DOK6: variants seen among roughly 807,000 people sequenced by gnomAD.
The protein encoded by DOK6 is downstream of tyrosine kinase 6.
DOK6 carries 22 observed loss-of-function variants against 44.0 expected under a neutral mutation model. The ratio of observed to expected loss-of-function variants is 0.50; its 90% CI spans 0.36 to 0.71. The LOEUF (loss-of-function observed/expected upper bound fraction) is 0.71, where lower values mean the gene tolerates loss of function less well. Ranked by LOEUF, DOK6 falls within the 30% of genes least tolerant of loss-of-function variation. The pLI is 0.00. For missense variants in DOK6, 340 were observed against 416.4 expected (o/e 0.82, Z 1.60); for synonymous variants, 166 against 145.5 (o/e 1.14, Z -1.01).
At chr18:69,716,147 C>T (rs979922299) in intron 5 of DOK6, among the ~76,000 whole-genome samples, 10 of 152,142 alleles carry the variant, frequency 6.6e-5, no homozygotes, top group African/African-American at 2.4e-4. Flanking sequence ...GATACTGATA[C>T]ATATCTCCTA....
At chr18:69,462,523 AT>A (rs1306888469) in intron 1 of DOK6, among the ~76,000 whole-genome samples, 11 of 152,226 alleles carry the variant, frequency 7.2e-5, no homozygotes, top group African/African-American at 2.7e-4. Context: ...GGTATTAAAA[AT>A]TCTAAATGTC....
At chr18:69,493,143 A>G (rs1188633486) in intron 1 of DOK6, among the ~76,000 whole-genome samples, 3 of 152,328 alleles carry the variant, frequency 2.0e-5, no homozygotes, top group African/African-American at 2.4e-5. Flanking sequence ...ATCTCTCTAT[A>G]TCAACATAGA....
chr18:69,639,476 TAA>T (rs1984888443), intron 3 of DOK6, among the ~76,000 whole-genome samples: 1 of 152,176 alleles, frequency 6.6e-6, no homozygotes, highest in Admixed American at 6.5e-5. Context: ...GCCTTCTCTA[TAA>T]AGTCTTTCCC....
intron 1 of DOK6, among the ~76,000 whole-genome samples, chr18:69,497,284 T>A (rs1359231099): frequency 1.3e-5 from 2 of 152,212 alleles, no homozygotes. Flanking sequence ...CAGTTTTAAG[T>A]AGTCCCTATT....
chr18:69,761,016 T>C (rs551779365), intron 7 of DOK6, among the ~76,000 whole-genome samples: 44 of 104,846 alleles, frequency 4.2e-4, no homozygotes, highest in African/African-American at 1.7e-3. Context: ...GAGCCTGCCT[T>C]TCCCGGGGGC....
intron 5 of DOK6, among the ~76,000 whole-genome samples, chr18:69,729,139 T>C (rs1053049440): frequency 6.6e-6 from 1 of 152,000 alleles, no homozygotes; most frequent in African/African-American, 2.4e-5. Flanking sequence ...TAAACACATA[T>C]ATATAATATA....
At chr18:69,780,669 G>C (rs979924441) in intron 7 of DOK6, among the ~76,000 whole-genome samples, 6 of 152,130 alleles carry the variant, frequency 3.9e-5, no homozygotes, top group Non-Finnish European at 7.4e-5. Flanking sequence ...AGCTTTCATG[G>C]ACACAATCTC....
Position 69,401,221 on chromosome 18 carries a change from C to T in DOK6, c.-24C>T, listed in dbSNP as rs1395413965. On this transcript the variant is annotated 5_prime_UTR_variant, in exon 1 of 8. Coordinates refer to ENST00000382713, the MANE Select transcript of DOK6 (RefSeq NM_152721.6). ...CGACTCCGGAGAGCGGATCGCGGGG[C>T]GCAGGAGCCCGATCGCGCTGGCCAT... 1.3e-6 allele frequency: 2 copies of T among 1,545,676 alleles called. No homozygotes were observed. Among genetic ancestry groups the T allele is most frequent in the African/African-American group, 2.8e-5 (2 of 70,578 alleles).
intron 1 of DOK6, among the ~76,000 whole-genome samples, chr18:69,540,637 T>C (rs1454485698): frequency 6.6e-6 from 1 of 152,232 alleles, no homozygotes; most frequent in Non-Finnish European, 1.5e-5. Flanking sequence ...TATGTGGCCA[T>C]TGTAAATGAA....
At chr18:69,650,904 A>G (rs112741477) in intron 3 of DOK6, among the ~76,000 whole-genome samples, 10 of 152,358 alleles carry the variant, frequency 6.6e-5, no homozygotes, top group African/African-American at 1.4e-4. Context: ...TAGCCTGTCC[A>G]TATTTTATTC....
intron 3 of DOK6, among the ~76,000 whole-genome samples, chr18:69,653,214 G>T (rs144685238): frequency 1.3e-5 from 2 of 151,884 alleles, no homozygotes; most frequent in African/African-American, 4.8e-5. Flanking sequence ...TTGCCAATTC[G>T]TAAGTAACAC....
intron 1 of DOK6, among the ~76,000 whole-genome samples, chr18:69,416,356 T>C (rs1599120404): frequency 6.6e-6 from 1 of 152,136 alleles, no homozygotes. Flanking sequence ...AAAGCTAAAT[T>C]TGTGTTTTTG....
At chr18:69,602,166 A>T (rs1983888807) in intron 3 of DOK6, among the ~76,000 whole-genome samples, 1 of 152,308 alleles carries the variant, frequency 6.6e-6, no homozygotes, top group South Asian at 2.1e-4. Context: ...TAGGATAGAA[A>T]GGGATGGGAG....
chr18:69,560,132 T>A (rs1209280289), intron 1 of DOK6, among the ~76,000 whole-genome samples: 1 of 152,172 alleles, frequency 6.6e-6, no homozygotes, highest in African/African-American at 2.4e-5. Flanking sequence ...TCAGGCTATG[T>A]CTTGTAATCC....
At chr18:69,447,542 A>G (rs997512892) in intron 1 of DOK6, among the ~76,000 whole-genome samples, 12 of 152,144 alleles carry the variant, frequency 7.9e-5, no homozygotes, top group African/African-American at 2.4e-4. Flanking sequence ...GTGTGGCTTC[A>G]AAGAGCCAAC....
intron 1 of DOK6, among the ~76,000 whole-genome samples, chr18:69,477,555 C>A (rs756567844): frequency 4.6e-5 from 7 of 152,084 alleles, no homozygotes; most frequent in Non-Finnish European, 8.8e-5. Flanking sequence ...CCTGAAGATG[C>A]AAACAAACAG....
Position 69,739,056 on chromosome 18 carries a change from G to A in DOK6, c.691G>A (p.Ala231Thr). Residue 231 changes from alanine to threonine, a missense_variant, in exon 6 of 8, where the codon GCT becomes ACT. Around this residue, in one of 3 missense-constraint regions of DOK6, gnomAD observed 22 missense variants for 48.6 expected, o/e 0.45. Coordinates refer to ENST00000382713, the MANE Select transcript of DOK6 (RefSeq NM_152721.6). Reference protein sequence around the residue: ...QKVHSATLAIAEQHERLMLEM... With the variant: ...QKVHSATLAITEQHERLMLEM... ...GGTTCATTCTGCGACACTGGCCATAGCTGAGCAACATGAAAGATTAATGCT... is the reference window on the plus strand; with the variant it reads ...GGTTCATTCTGCGACACTGGCCATAACTGAGCAACATGAAAGATTAATGCT... 1 of 1,614,110 alleles carries A rather than the reference G, an allele frequency of 6.2e-7. No individual in the cohort carries two copies.
chr18:69,453,148 T>A (rs1979520938), intron 1 of DOK6, among the ~76,000 whole-genome samples: 4 of 94,234 alleles, frequency 4.2e-5, no homozygotes, highest in East Asian at 3.2e-4. Context: ...ACATGATTGT[T>A]TATCTAGAAA....
intron 1 of DOK6, among the ~76,000 whole-genome samples, chr18:69,492,224 CAA>C (rs992145549): frequency 1.3e-5 from 2 of 151,980 alleles, no homozygotes; most frequent in South Asian, 2.1e-4. Context: ...TATATGAAAA[CAA>C]AGTGTCACAC....
Sources: allele counts gnomAD v4.1 joint callset (sites outside exome capture counted in the v4.1 genomes callset), GRCh38; gene constraint gnomAD v4.1.1; regional missense constraint gnomAD v4.1.1; transcripts MANE v1.5; gene names NCBI Gene and HGNC (gene_info 2026-07-23, HGNC 2026-07-21).